The following RNPEPL1 variants were observed in gnomAD, a reference collection of about 807,000 sequenced individuals.
The protein encoded by RNPEPL1 is arginyl aminopeptidase like 1.
Under a neutral mutation model 69.0 loss-of-function variants are expected in RNPEPL1, and 46 were observed. The observed-to-expected ratio is 0.67, with a 90% CI of 0.53 to 0.85. The LOEUF is 0.85. RNPEPL1 is among the 40% of genes least tolerant of loss of function. RNPEPL1 has a pLI of 0.00. For synonymous variants in RNPEPL1, 525 were observed against 454.1 expected, an observed-to-expected ratio of 1.16 and a Z score of -1.98; for missense variants, 869 against 992.5, an observed-to-expected ratio of 0.88 and a Z score of 1.67.
In RNPEPL1 at chr2:240,572,404, T is replaced by C; in HGVS notation, c.529-19T>C. On this transcript the variant is annotated intron_variant, in intron 1 of 10. Coordinates refer to ENST00000270357, the MANE Select transcript of RNPEPL1 (RefSeq NM_018226.6). Reference sequence around the variant, plus strand: ...CCCTAGCTGGGTGGCCGTCTGCTGATGGGCCATCCTGCCCACAGATCTGGT... The same window carrying C: ...CCCTAGCTGGGTGGCCGTCTGCTGACGGGCCATCCTGCCCACAGATCTGGT... 6.5e-7 allele frequency: 1 copy of C among 1,535,644 alleles called. No individual in the cohort carries two copies. Among genetic ancestry groups the C allele is most frequent in the South Asian group, 1.2e-5 (1 of 84,034 alleles).
In RNPEPL1 at chr2:240,578,181, G is replaced by A. The variant is rs1475627102; in HGVS notation, c.*289G>A. ...AACACTGACAGCTGTGCCTAGCCCC[G>A]GATGCCAGCACCTGCCAGGTGCCGC... On this transcript the variant is annotated 3_prime_UTR_variant, in exon 11 of 11. Coordinates refer to ENST00000270357, the MANE Select transcript of RNPEPL1 (RefSeq NM_018226.6). 1.6e-5 allele frequency: 5 copies of A among 321,348 alleles called. No homozygotes were observed. The highest frequency in any genetic ancestry group is 2.1e-5 in the African/African-American group (1 of 47,620). The allele number at this position is 321,348 out of a possible 1,614,324, so 19.9% of individuals were successfully genotyped here. A position where few individuals can be genotyped will look rare whatever the true frequency, so the allele number is the denominator to read the frequency against.
intron 8 of RNPEPL1, 137 bp downstream of exon 8, chr2:240,575,747 G>C: frequency 1.5e-6 from 1 of 687,746 alleles, no homozygotes; most frequent in Non-Finnish European, 2.5e-6. Flanking sequence ...ACCCTTGCTG[G>C]ACCATGTGGG....
In RNPEPL1 at chr2:240,579,884, T is replaced by G. The variant is rs2093048243; in HGVS notation, c.*1992T>G. On this transcript the variant is annotated 3_prime_UTR_variant, in exon 11 of 11. Coordinates refer to ENST00000270357, the MANE Select transcript of RNPEPL1 (RefSeq NM_018226.6). Reference sequence around the variant, plus strand: ...TGCAATTCAGCTCTCGAAATGACTCTGTGGTCTGCGGGTGACTCCACTCCA... The same window carrying G: ...TGCAATTCAGCTCTCGAAATGACTCGGTGGTCTGCGGGTGACTCCACTCCA... 1.3e-5 allele frequency: 2 copies of G among 152,268 alleles called. No individual in the cohort carries two copies. The highest frequency in any genetic ancestry group is 4.8e-5 in the African/African-American group (2 of 41,464). The allele number at this position is 152,268 out of a possible 1,614,324, so 9.4% of individuals were successfully genotyped here. A position where few individuals can be genotyped will look rare whatever the true frequency, so the allele number is the denominator to read the frequency against.
chr2:240,569,582 G>A (rs1436438025), intron 1 of RNPEPL1, among the ~76,000 whole-genome samples: 1 of 152,106 alleles, frequency 6.6e-6, no homozygotes, highest in Non-Finnish European at 1.5e-5. Flanking sequence ...TGGGCCCCGC[G>A]ACCCCAACAT....
At position 240,577,720 on chromosome 2, in the gene RNPEPL1, T is replaced by TCCAGCAGATCCTG; in HGVS notation, c.2007_2019dup (p.Ser674ProfsTer26). ...CTGCACCCCAACCTGCGCAGAGCCA[T>TCCAGCAGATCCTG]CCAGCAGATCCTGTCCCAGGGCCTG... On this transcript the variant is annotated frameshift_variant, in exon 11 of 11. Coordinates refer to ENST00000270357, the MANE Select transcript of RNPEPL1 (RefSeq NM_018226.6). LOFTEE classifies it high-confidence loss of function. The TCCAGCAGATCCTG allele has an allele frequency of 6.2e-7, 1 of 1,612,582 alleles. No individual in the cohort carries two copies. The highest frequency in any genetic ancestry group is 8.5e-7 in the Non-Finnish European group (1 of 1,179,716).
chr2:240,575,765 C>G, intron 8 of RNPEPL1, 155 bp downstream of exon 8: 1 of 652,308 alleles, frequency 1.5e-6, no homozygotes, highest in Non-Finnish European at 2.7e-6. Context: ...GGGCCCCAGG[C>G]TGGTATGCTA....
rs2093027320 is a variant in RNPEPL1, at chr2:240,573,204, C to T, written c.764C>T (p.Pro255Leu). The T allele has an allele frequency of 2.5e-6, 4 of 1,587,064 alleles. No homozygotes were observed. Among genetic ancestry groups the T allele is most frequent in the African/African-American group, 1.3e-5 (1 of 74,650 alleles). Residue 255 changes from proline (P) to leucine (L), a missense_variant, in exon 3 of 11, where the codon CCC becomes CTC. Pro to Leu is a moderately conservative substitution (Grantham distance 98). Coordinates refer to ENST00000270357, the MANE Select transcript of RNPEPL1 (RefSeq NM_018226.6). The stretch of plus-strand genomic sequence containing the variant: ...CACTTCCACATGGAGCACCCCGTGC[C>T]CGCCTACCTCGTGGCCCTGGTGGCC... ...VFHFHMEHPV[P>L]AYLVALVAGD... is the part of the protein sequence containing the mutation.
chr2:240,575,181 T>C, intron 7 of RNPEPL1, 39 bp downstream of exon 7: 7 of 1,516,544 alleles, frequency 4.6e-6, no homozygotes, highest in Non-Finnish European at 6.4e-6. Flanking sequence ...TGCTGCCATC[T>C]GCCCCCAGCC....
At position 240,573,199 on chromosome 2, in the gene RNPEPL1, C is replaced by T. The variant is rs144377764; in HGVS notation, c.759C>T (p.Pro253=). 900 of 1,591,180 alleles carry T rather than the reference C, an allele frequency of 5.7e-4. No homozygotes were observed. Among genetic ancestry groups the T allele is most frequent in the South Asian group, 8.8e-4 (77 of 87,616 alleles). The change falls in exon 3 of 11, where the codon CCC becomes CCT. Residue 253 remains proline (P), a synonymous_variant. Coordinates refer to ENST00000270357, the MANE Select transcript of RNPEPL1 (RefSeq NM_018226.6). ...TCTTCCACTTCCACATGGAGCACCC[C>T]GTGCCCGCCTACCTCGTGGCCCTGG... The part of the protein sequence containing the change: ...EGVFHFHMEH[P]VPAYLVALVA...
chr2:240,572,593 C>T lies in RNPEPL1; in HGVS notation c.669+30C>T, dbSNP rs754602354. ...GGGGCCGCCAGCTGCCGTCACCTTGCTCCCAGGACAGCCCAGTGGCCTGGC... is the reference window on the plus strand; with the variant it reads ...GGGGCCGCCAGCTGCCGTCACCTTGTTCCCAGGACAGCCCAGTGGCCTGGC... On this transcript the variant is annotated intron_variant, in intron 2 of 10. Coordinates refer to ENST00000270357, the MANE Select transcript of RNPEPL1 (RefSeq NM_018226.6). 15 of 1,535,408 alleles carry T rather than the reference C, an allele frequency of 9.8e-6. 1 individual carries two copies. In the South Asian group the frequency reaches 1.7e-4, roughly 17 times the overall value.
intron 1 of RNPEPL1, 60 bp downstream of exon 1, chr2:240,569,174 C>T: frequency 7.3e-7 from 1 of 1,367,408 alleles, no homozygotes; most frequent in Non-Finnish European, 9.4e-7. Flanking sequence ...CTAGCGGCCT[C>T]TCGCCGCACG....
chr2:240,574,936 C>G, intron 6 of RNPEPL1, 94 bp from the exon 7 acceptor site: 1 of 963,664 alleles, frequency 1.0e-6, no homozygotes, highest in Non-Finnish European at 1.7e-6. Flanking sequence ...GCGCTTGGCC[C>G]TTGCTGCTCC....
rs368431976 is a variant in RNPEPL1, at chr2:240,575,161, G to A, written c.1401+19G>A. 1.4e-5 allele frequency: 22 copies of A among 1,594,700 alleles called. No individual in the cohort carries two copies. Among genetic ancestry groups the A allele is most frequent in the African/African-American group, 1.1e-4 (8 of 74,486 alleles). Reference sequence around the variant, plus strand: ...TCTCCGAGTGAGCAGCCCCCTGCCCGGGACGGCCCTGCTGCCATCTGCCCC... The same window carrying A: ...TCTCCGAGTGAGCAGCCCCCTGCCCAGGACGGCCCTGCTGCCATCTGCCCC... On this transcript the variant is annotated intron_variant, in intron 7 of 10. Transcript: ENST00000270357.
chr2:240,576,800 G>A (rs758798581), intron 9 of RNPEPL1, 35 bp downstream of exon 9: 6 of 1,612,488 alleles, frequency 3.7e-6, no homozygotes, highest in Non-Finnish European at 5.1e-6. Context: ...CGGCCCAGGG[G>A]CTGGGGTGCA....
intron 3 of RNPEPL1, 136 bp downstream of exon 3, chr2:240,573,397 C>T: frequency 5.1e-6 from 6 of 1,165,804 alleles, no homozygotes; most frequent in Non-Finnish European, 7.0e-6. Flanking sequence ...CAGCCCTGCC[C>T]CTGCCTTGGT....
In RNPEPL1 at chr2:240,572,554, C is replaced by G; in HGVS notation, c.660C>G (p.Ala220=). The G allele has an allele frequency of 1.3e-6, 2 of 1,536,148 alleles. No homozygotes were observed. The highest frequency in any genetic ancestry group is 1.7e-6 in the Non-Finnish European group (2 of 1,146,824). The change falls in exon 2 of 11, where the codon GCC becomes GCG. Residue 220 remains alanine (A), a synonymous_variant. Coordinates refer to ENST00000270357, the MANE Select transcript of RNPEPL1 (RefSeq NM_018226.6). ...DTPAVKCTYS[A]VVKAPSGVQV... ...CTGCCGTGAAGTGCACCTACTCTGC[C>G]GTCGTCAAGGTCAGGGGCCGCCAGC...
At position 240,580,734 on chromosome 2, in the gene RNPEPL1, C is replaced by T. The variant is rs764634363; in HGVS notation, c.*2842C>T. 3 of 152,122 alleles carry T rather than the reference C, an allele frequency of 2.0e-5. No homozygotes were observed. Among genetic ancestry groups the T allele is most frequent in the African/African-American group, 7.2e-5 (3 of 41,400 alleles). 9.4% of individuals were successfully genotyped at this position (152,122 alleles called of 1,614,324 possible). A position where few individuals can be genotyped will look rare whatever the true frequency, so the allele number is the denominator to read the frequency against. ...TGGCAAACAGCACTAATGACAACGA[C>T]GGAGCTGAGGCCAGAATGTGAGAGA... On this transcript the variant is annotated 3_prime_UTR_variant, in exon 11 of 11. Coordinates refer to ENST00000270357, the MANE Select transcript of RNPEPL1 (RefSeq NM_018226.6).
Position 240,577,758 on chromosome 2 carries a change from G to A in RNPEPL1, c.2044G>A (p.Glu682Lys). 1 of 1,612,268 alleles carries A rather than the reference G, an allele frequency of 6.2e-7. No individual in the cohort carries two copies. The highest frequency in any genetic ancestry group is 1.1e-5 in the South Asian group (1 of 90,972). The stretch of plus-strand genomic sequence containing the variant: ...GTCCCAGGGCCTGGGCTCCAGCACA[G>A]AGCCCGCCTCAGAGCCCAGCACGGA... ...ILSQGLGSST[E>K]PASEPSTELG... The change falls in exon 11 of 11, where the codon GAG becomes AAG. Residue 682 changes from glutamate (E) to lysine (K), a missense_variant. Glu to Lys is a moderately conservative substitution (Grantham distance 56). Transcript: ENST00000270357.
Position 240,577,764 on chromosome 2 carries a change from G to A in RNPEPL1, c.2050G>A (p.Ala684Thr), listed in dbSNP as rs767246650. 21 of 1,611,926 alleles carry A rather than the reference G, an allele frequency of 1.3e-5. No homozygotes were observed. The highest frequency in any genetic ancestry group is 2.7e-5 in the African/African-American group (2 of 74,918). ...SQGLGSSTEP[A>T]SEPSTELGKA... ...GGGCCTGGGCTCCAGCACAGAGCCCGCCTCAGAGCCCAGCACGGAGCTGGG... is the reference window on the plus strand; with the variant it reads ...GGGCCTGGGCTCCAGCACAGAGCCCACCTCAGAGCCCAGCACGGAGCTGGG... Residue 684 changes from alanine (A) to threonine (T), a missense_variant, in exon 11 of 11, where the codon GCC becomes ACC. This residue lies in a region of RNPEPL1 where 610 missense variants were observed against 790.9 expected (regional missense o/e 0.77). Coordinates refer to ENST00000270357, the MANE Select transcript of RNPEPL1 (RefSeq NM_018226.6).
Sources: gnomAD v4.1 joint callset for allele counts (sites outside exome capture counted in the v4.1 genomes callset) on GRCh38, gnomAD v4.1.1 for gene constraint, gnomAD v4.1.1 regional missense constraint, MANE v1.5 for transcripts, NCBI Gene and HGNC (gene_info 2026-07-23, HGNC 2026-07-21) for gene names.